Variants in TFEC observed in about 807,000 individuals in gnomAD.
The protein encoded by TFEC is transcription factor EC.
In TFEC, 31 loss-of-function variants were observed where a neutral mutation model predicts 41.6. The observed-to-expected ratio is 0.74, with a 90% CI of 0.56 to 1.01. TFEC has a LOEUF of 1.01. TFEC is among the 50% of genes least tolerant of loss of function. The pLI, the probability that TFEC is intolerant of heterozygous loss-of-function variation, is 0.00. For missense variants in TFEC, 402 were observed against 404.1 expected, an observed-to-expected ratio of 0.99 and a Z score of 0.04; for synonymous variants, 143 against 140.6, an observed-to-expected ratio of 1.02 and a Z score of -0.12.
intron 1 of TFEC, among the ~76,000 whole-genome samples, chr7:116,011,090 G>C (rs1794983328): frequency 6.6e-6 from 1 of 152,152 alleles, no homozygotes. Context: ...CTTTATTCCA[G>C]TTAGAGTAAA....
Position 116,136,756 on chromosome 7 carries a change from TA to T in TFEC, c.-69+23033del, listed in dbSNP as rs563079415. On this transcript the variant is annotated intron_variant, in intron 1 of 8. Transcript: ENST00000484212. ...ATTTATTTGTAAAGCTAAACATTTG[TA>T]AGAAAAGAAATGAAATAAGAGAAAG... 1.7e-4 allele frequency among the ~76,000 whole-genome samples: 26 copies of T among 152,074 alleles called. No homozygotes were observed. In the South Asian group the frequency reaches 5.2e-3, roughly 30 times the overall value.
intron 1 of TFEC, among the ~76,000 whole-genome samples, chr7:116,158,946 G>T (rs1798922159): frequency 6.6e-6 from 1 of 151,774 alleles, no homozygotes; most frequent in African/African-American, 2.4e-5. Context: ...AAAATGTTTT[G>T]CTAATTTATT....
intron 1 of TFEC, among the ~76,000 whole-genome samples, chr7:116,129,586 CTTTTTTTTTTT>C (rs932837265): frequency 9.4e-6 from 1 of 106,900 alleles, no homozygotes; most frequent in African/African-American, 4.0e-5. Flanking sequence ...AATATTCTTA[CTTTTTTTTTTT>C]TTTTTTTTTT....
At chr7:116,016,585 T>C (rs1294747320) in intron 1 of TFEC, among the ~76,000 whole-genome samples, 1 of 152,094 alleles carries the variant, frequency 6.6e-6, no homozygotes, top group Non-Finnish European at 1.5e-5. Flanking sequence ...TTCCCACAGA[T>C]AAAATACTAT....
chr7:116,075,348 A>G (rs993982012), intron 3 of TFEC, among the ~76,000 whole-genome samples: 1 of 152,164 alleles, frequency 6.6e-6, no homozygotes, highest in African/African-American at 2.4e-5. Flanking sequence ...TTGCTCCAAG[A>G]ACTACTGGAG....
At chr7:116,033,528 C>T (rs1359451448), upstream of TFEC, among the ~76,000 whole-genome samples, 1 of 152,032 alleles carries the variant, frequency 6.6e-6, no homozygotes, top group Non-Finnish European at 1.5e-5. Context: ...CTGTCAATTT[C>T]TTTATTCCTG....
chr7:116,048,705 G>C (rs1173029232), intron 3 of TFEC, among the ~76,000 whole-genome samples: 1 of 152,112 alleles, frequency 6.6e-6, no homozygotes, highest in African/African-American at 2.4e-5. Context: ...TGAAATAAAG[G>C]AAAAAATGTT....
At chr7:116,044,151 C>T (rs531040782) in intron 3 of TFEC, among the ~76,000 whole-genome samples, 2 of 152,222 alleles carry the variant, frequency 1.3e-5, no homozygotes, top group East Asian at 3.9e-4. Context: ...AAACTTGGGC[C>T]TCTGAATATT....
At chr7:116,140,047 TATC>T (rs1798510352) in intron 1 of TFEC, among the ~76,000 whole-genome samples, 1 of 152,170 alleles carries the variant, frequency 6.6e-6, no homozygotes, top group African/African-American at 2.4e-5. Flanking sequence ...GTTCTAGAAA[TATC>T]ATCATAGCAG....
At chr7:116,031,375 C>T (rs1410149632), upstream of TFEC, among the ~76,000 whole-genome samples, 1 of 152,060 alleles carries the variant, frequency 6.6e-6, no homozygotes, top group Admixed American at 6.6e-5. Flanking sequence ...TTATTATTTA[C>T]ATCCCAATTT....
intron 1 of TFEC, among the ~76,000 whole-genome samples, chr7:115,989,791 C>A (rs1794025319): frequency 1.3e-5 from 2 of 152,148 alleles, no homozygotes; most frequent in Admixed American, 1.3e-4. Context: ...TAGACTCCAC[C>A]TCTAGGGGCA....
chr7:116,058,011 T>A (rs1030816896), intron 3 of TFEC, among the ~76,000 whole-genome samples: 1 of 151,714 alleles, frequency 6.6e-6, no homozygotes, highest in Non-Finnish European at 1.5e-5. Context: ...AGTATCAAGA[T>A]GACAGATTTA....
At chr7:116,019,804 C>T (rs989418981) in intron 1 of TFEC, among the ~76,000 whole-genome samples, 20 of 152,076 alleles carry the variant, frequency 1.3e-4, no homozygotes, top group African/African-American at 4.8e-4. Context: ...TTATCTGATC[C>T]CTTATGATTA....
chr7:116,124,330 T>C (rs1798169017), intron 1 of TFEC, among the ~76,000 whole-genome samples: 1 of 152,100 alleles, frequency 6.6e-6, no homozygotes, highest in Non-Finnish European at 1.5e-5. Context: ...TTAACTTGCA[T>C]TCTAAGGTAG....
At chr7:116,035,417 A>G (rs969008290), upstream of TFEC, among the ~76,000 whole-genome samples, 5 of 152,104 alleles carry the variant, frequency 3.3e-5, no homozygotes, top group African/African-American at 1.2e-4. Flanking sequence ...ATGTGTATGA[A>G]CTGAGGACAC....
At chr7:116,019,117 T>TAG (rs148574555) in intron 1 of TFEC, among the ~76,000 whole-genome samples, 12 of 151,010 alleles carry the variant, frequency 7.9e-5, no homozygotes, top group South Asian at 2.1e-4. Context: ...AGAGAATGTA[T>TAG]AGAGAGAGAG....
At chr7:116,138,150 T>C (rs1220806356) in intron 1 of TFEC, among the ~76,000 whole-genome samples, 1 of 152,154 alleles carries the variant, frequency 6.6e-6, no homozygotes, top group Non-Finnish European at 1.5e-5. Context: ...ATCTATTAAA[T>C]TAAAAATCTG....
intron 1 of TFEC, among the ~76,000 whole-genome samples, chr7:116,145,656 T>A (rs749519488): frequency 2.6e-5 from 4 of 152,184 alleles, no homozygotes; most frequent in Non-Finnish European, 5.9e-5. Context: ...TCAAGGAGTT[T>A]CAGTTTCAGA....
intron 3 of TFEC, among the ~76,000 whole-genome samples, chr7:116,065,896 G>A (rs903791412): frequency 1.3e-5 from 2 of 152,110 alleles, no homozygotes; most frequent in African/African-American, 2.4e-5. Flanking sequence ...GATCTCACTG[G>A]AGCTACATGG....
Sources: allele counts gnomAD v4.1 joint callset (sites outside exome capture counted in the v4.1 genomes callset), GRCh38; gene constraint gnomAD v4.1.1; transcripts MANE v1.5; gene names NCBI Gene and HGNC (gene_info 2026-07-23, HGNC 2026-07-21).